BPI: variants seen among roughly 807,000 people sequenced by gnomAD.
The protein encoded by BPI is bactericidal permeability-increasing protein.
BPI carries 48 observed loss-of-function variants against 57.6 expected under a neutral mutation model. The observed-to-expected ratio is 0.83, with a 90% CI of 0.66 to 1.06. The LOEUF (loss-of-function observed/expected upper bound fraction) is 1.06. Among genes scored for constraint, BPI ranks in the 50% least tolerant of loss-of-function variants. The pLI, the probability that BPI is intolerant of heterozygous loss-of-function variation, is 0.00. For synonymous variants in BPI, 237 were observed against 238.2 expected (o/e 0.99, Z 0.05); for missense variants, 651 against 609.7 (o/e 1.07, Z -0.71).
rs1391094541 is a variant in BPI, at chr20:38,337,388, G to A, written c.*204G>A. On this transcript the variant is annotated 3_prime_UTR_variant, in exon 15 of 15. Coordinates refer to ENST00000642449, the MANE Select transcript of BPI (RefSeq NM_001725.3). Reference sequence around the variant, plus strand: ...ATGGTGTGTATTTTAGGGATTATGAGCTTCTTTCAAGGGCTAAGGCTGCAG... The same window carrying A: ...ATGGTGTGTATTTTAGGGATTATGAACTTCTTTCAAGGGCTAAGGCTGCAG... The A allele has an allele frequency of 1.0e-5, 5 of 476,968 alleles. No homozygotes were observed. Among genetic ancestry groups the A allele is most frequent in the Non-Finnish European group, 1.8e-5 (5 of 275,718 alleles). The allele number at this position is 476,968 out of a possible 1,614,324, so 29.5% of individuals were successfully genotyped here. A position where few individuals can be genotyped will look rare whatever the true frequency, so the allele number is the denominator to read the frequency against.
chr20:38,330,773 C>T (rs1475010784), intron 11 of BPI, among the ~76,000 whole-genome samples: 1 of 152,228 alleles, frequency 6.6e-6, no homozygotes, highest in Non-Finnish European at 1.5e-5. Context: ...GTCAGAGGTA[C>T]ATCCTTGCAG....
At chr20:38,337,048 C>T (rs1435339042) in intron 14 of BPI, 98 bp from the exon 15 acceptor site, 5 of 1,272,892 alleles carry the variant, frequency 3.9e-6, no homozygotes, top group Non-Finnish European at 3.3e-6. Context: ...TCCTAAGAGG[C>T]AGGCTCCCAA....
intron 9 of BPI, 77 bp from the exon 10 acceptor site, chr20:38,326,188 G>A (rs1332668732): frequency 7.0e-7 from 1 of 1,435,572 alleles, no homozygotes; most frequent in Non-Finnish European, 9.5e-7. Flanking sequence ...TTTAAGTAGG[G>A]GCAGGCCAAG....
chr20:38,324,271 C>G (rs773251000), intron 8 of BPI, among the ~76,000 whole-genome samples: 1 of 152,174 alleles, frequency 6.6e-6, no homozygotes, highest in Non-Finnish European at 1.5e-5. Context: ...TGTAAAACAC[C>G]AATAACTGGC....
In BPI at chr20:38,315,088, AC is replaced by A. The variant is rs2076645899; in HGVS notation, c.600+3152del. Among the ~76,000 whole-genome samples the A allele has an allele frequency of 4.6e-5, 7 of 152,222 alleles. No homozygotes were observed. In the South Asian group the frequency reaches 1.5e-3, roughly 32 times the overall value. ...ACAGTGATCTGACACTATGCTAAGAACTTTTTCCATGGATTCCAGCATTTAA... is the reference window on the plus strand; with the variant it reads ...ACAGTGATCTGACACTATGCTAAGAATTTTTCCATGGATTCCAGCATTTAA... On this transcript the variant is annotated intron_variant, in intron 5 of 14. Transcript: ENST00000642449.
chr20:38,319,863 T>TG (rs11481930), intron 6 of BPI: 174,306 of 267,576 alleles, frequency 0.65, 59,336 homozygotes, highest in African/African-American at 0.88. Context: ...TGACAAAAAG[T>TG]GCTCAGAGAA....
At chr20:38,333,048 G>A (rs931470736) in intron 12 of BPI, among the ~76,000 whole-genome samples, 1 of 151,998 alleles carries the variant, frequency 6.6e-6, no homozygotes, top group African/African-American at 2.4e-5. Context: ...TGAGTGCCTT[G>A]TAAGCCCTCC....
chr20:38,326,014 A>T (rs541264035), intron 9 of BPI, among the ~76,000 whole-genome samples: 1 of 152,176 alleles, frequency 6.6e-6, no homozygotes, highest in African/African-American at 2.4e-5. Context: ...AGGATTTTAG[A>T]TGGCAAGAGA....
intron 12 of BPI, among the ~76,000 whole-genome samples, chr20:38,333,221 A>G (rs2076750822): frequency 6.6e-6 from 1 of 152,192 alleles, no homozygotes; most frequent in South Asian, 2.1e-4. Context: ...GACTAAGTCC[A>G]TAACTAATTT....
chr20:38,319,041 C>T (rs1315662468), intron 6 of BPI, among the ~76,000 whole-genome samples: 3 of 152,156 alleles, frequency 2.0e-5, no homozygotes, highest in African/African-American at 7.2e-5. Flanking sequence ...TCAAGACCAG[C>T]TTGGCCAACA....
intron 4 of BPI, 131 bp from the exon 5 acceptor site, chr20:38,311,743 A>C (rs1326083393): frequency 5.2e-6 from 4 of 766,580 alleles, no homozygotes; most frequent in Middle Eastern, 3.6e-4. Context: ...GTGTGCAGTT[A>C]GAGCTCAGAG....
intron 11 of BPI, among the ~76,000 whole-genome samples, chr20:38,330,138 G>A (rs2076735068): frequency 6.6e-6 from 1 of 152,154 alleles, no homozygotes; most frequent in East Asian, 1.9e-4. Flanking sequence ...GCTGAGGTGG[G>A]AGGATCACCT....
intron 11 of BPI, among the ~76,000 whole-genome samples, chr20:38,329,157 A>C (rs1042348743): frequency 6.6e-6 from 1 of 152,040 alleles, no homozygotes; most frequent in African/African-American, 2.4e-5. Flanking sequence ...GGGAGGGGAG[A>C]GATGTAGAAA....
Position 38,337,277 on chromosome 20 carries a change from C to T in BPI, c.*93C>T, listed in dbSNP as rs570023783. 92 of 1,124,156 alleles carry T rather than the reference C, an allele frequency of 8.2e-5. 1 individual carries two copies. The South Asian group carries it at 1.2e-3, about 15-fold the overall frequency. The allele number at this position is 1,124,156 out of a possible 1,614,324, so 69.6% of individuals were successfully genotyped here. On this transcript the variant is annotated 3_prime_UTR_variant, in exon 15 of 15. Transcript: ENST00000642449. ...TTTCCCCAGGGAATCCTCTCCAGAT[C>T]TTAACCAAGAGCCCCTTGCAAACTT... is the stretch of plus-strand genomic sequence containing the variant.
At chr20:38,309,113 G>C (rs2076610371) in intron 3 of BPI, 55 bp downstream of exon 3, 4 of 1,608,540 alleles carry the variant, frequency 2.5e-6, no homozygotes, top group Non-Finnish European at 3.4e-6. Flanking sequence ...ATTTGGACGG[G>C]ATTAGAGAGT....
chr20:38,324,101 G>T, intron 8 of BPI, 55 bp downstream of exon 8: 1 of 1,567,482 alleles, frequency 6.4e-7, no homozygotes, highest in Non-Finnish European at 8.7e-7. Flanking sequence ...GAATCCTGCA[G>T]ACCTTCCAGA....
intron 14 of BPI, 59 bp downstream of exon 14, chr20:38,335,733 A>G: frequency 6.6e-7 from 1 of 1,510,766 alleles, no homozygotes; most frequent in Non-Finnish European, 9.2e-7. Context: ...ACAGCAGCCT[A>G]TGGCTGCAAT....
chr20:38,318,495 T>A lies in BPI; in HGVS notation c.664+19T>A. The A allele has an allele frequency of 1.2e-6, 2 of 1,608,418 alleles. No homozygotes were observed. Among genetic ancestry groups the A allele is most frequent in the Non-Finnish European group, 8.5e-7 (1 of 1,174,982 alleles). ...CTGCCAGGTGAGGGCTGGATGAAGA[T>A]CAAGGATAGAAAGGAACAGAAATGG... is the stretch of plus-strand genomic sequence containing the variant. On this transcript the variant is annotated intron_variant, in intron 6 of 14. Transcript: ENST00000642449.
chr20:38,320,190 C>G lies in BPI; in HGVS notation c.672C>G (p.Thr224=). 6.2e-7 allele frequency: 1 copy of G among 1,613,958 alleles called. No homozygotes were observed. Among genetic ancestry groups the G allele is most frequent in the Non-Finnish European group, 8.5e-7 (1 of 1,179,892 alleles). Residue 224 remains threonine (T), a synonymous_variant, in exon 7 of 15, where the codon ACC becomes ACG. Coordinates refer to ENST00000642449, the MANE Select transcript of BPI (RefSeq NM_001725.3). ...QPYFQTLPVM[T]KIDSVAGINY... Reference sequence around the variant, plus strand: ...CATTTTCTTTCTCTCTAGTAATGACCAAAATAGATTCTGTGGCTGGAATCA... The same window carrying G: ...CATTTTCTTTCTCTCTAGTAATGACGAAAATAGATTCTGTGGCTGGAATCA...
Sources: gnomAD v4.1 joint callset for allele counts (sites outside exome capture counted in the v4.1 genomes callset) on GRCh38, gnomAD v4.1.1 for gene constraint, MANE v1.5 for transcripts, NCBI Gene and HGNC (gene_info 2026-07-23, HGNC 2026-07-21) for gene names.